The following FYB1 variants were observed in gnomAD, a reference collection of about 807,000 sequenced individuals.
The protein encoded by FYB1 is FYN-binding protein 1.
FYB1 carries 41 observed loss-of-function variants against 94.1 expected under a neutral mutation model. The observed-to-expected ratio is 0.44, with a 90% CI of 0.34 to 0.57. The LOEUF (loss-of-function observed/expected upper bound fraction) is 0.57. Among genes scored for constraint, FYB1 ranks in the 20% least tolerant of loss-of-function variants. FYB1 has a pLI of 0.02. For synonymous variants in FYB1, 367 were observed against 353.2 expected (o/e 1.04, Z -0.44); for missense variants, 1,050 against 976.8 (o/e 1.07, Z -1.00).
intron 1 of FYB1, among the ~76,000 whole-genome samples, chr5:39,218,548 TTAA>T (rs1175296752): frequency 6.6e-6 from 1 of 152,202 alleles, no homozygotes; most frequent in African/African-American, 2.4e-5. Context: ...ATGGTGAATA[TTAA>T]TTATTATTTT....
In FYB1 at chr5:39,153,149, G is replaced by GAGGAGTTGGTGT. The variant is rs1370485805; in HGVS notation, c.1292+298_1292+299insACACCAACTCCT. Among the ~76,000 whole-genome samples the GAGGAGTTGGTGT allele has an allele frequency of 0.013, 1,966 of 152,124 alleles. 29 individuals are homozygous for GAGGAGTTGGTGT. Among genetic ancestry groups the GAGGAGTTGGTGT allele is most frequent in the Non-Finnish European group, 0.015 (1,012 of 67,980 alleles). ...GATGTTGATAGTGGAGGAGTTGGTG[G>GAGGAGTTGGTGT]TTCTCAAGAAAGCTTCAGAACTTTT... On this transcript the variant is annotated intron_variant, in intron 3 of 18. Transcript: ENST00000512982.
intron 2 of FYB1, among the ~76,000 whole-genome samples, chr5:39,165,443 A>G (rs183084368): frequency 1.5e-3 from 224 of 152,344 alleles, no homozygotes; most frequent in Non-Finnish European, 2.7e-3. Flanking sequence ...CCATATGCAT[A>G]AGAATGAAAC....
intron 2 of FYB1, among the ~76,000 whole-genome samples, chr5:39,173,870 G>A (rs1373143759): frequency 6.6e-6 from 1 of 152,128 alleles, no homozygotes; most frequent in Non-Finnish European, 1.5e-5. Context: ...CTAAAGTCAG[G>A]CAGTAAGATG....
chr5:39,152,355 A>T (rs1024878896), intron 3 of FYB1, among the ~76,000 whole-genome samples: 2 of 152,232 alleles, frequency 1.3e-5, no homozygotes, highest in Non-Finnish European at 2.9e-5. Flanking sequence ...GTCATCAAGC[A>T]TGTCAGGGAA....
intron 1 of FYB1, among the ~76,000 whole-genome samples, chr5:39,208,626 A>C (rs1749068270): frequency 6.6e-6 from 1 of 152,202 alleles, no homozygotes; most frequent in African/African-American, 2.4e-5. Context: ...AGAGGCTGTG[A>C]GGGCGATCAT....
chr5:39,127,204 T>C (rs1740762595), intron 11 of FYB1, among the ~76,000 whole-genome samples: 2 of 151,484 alleles, frequency 1.3e-5, no homozygotes, highest in African/African-American at 2.4e-5. Flanking sequence ...CAGATAATTA[T>C]TATTAAGTTA....
chr5:39,105,781 G>A lies in FYB1; in HGVS notation c.*1662C>T, dbSNP rs1415629861. 6.6e-6 allele frequency: 1 copy of A among 152,032 alleles called. No individual in the cohort carries two copies. Among genetic ancestry groups the A allele is most frequent in the African/African-American group, 2.4e-5 (1 of 41,376 alleles). 9.4% of individuals were successfully genotyped at this position (152,032 alleles called of 1,614,324 possible). A position where few individuals can be genotyped will look rare whatever the true frequency, so the allele number is the denominator to read the frequency against. On this transcript the variant is annotated 3_prime_UTR_variant, in exon 19 of 19. Coordinates refer to ENST00000512982, the MANE Select transcript of FYB1 (RefSeq NM_001465.6). Reference sequence around the variant, plus strand: ...GAAATTAATCACATGGTCATATACTGGCTAGTGCTCTCTAAAAGTAGACAT... The same window carrying A: ...GAAATTAATCACATGGTCATATACTAGCTAGTGCTCTCTAAAAGTAGACAT...
chr5:39,163,200 G>C (rs1440866065), intron 2 of FYB1, among the ~76,000 whole-genome samples: 1 of 152,068 alleles, frequency 6.6e-6, no homozygotes, highest in East Asian at 1.9e-4. Context: ...TATCTTCAAA[G>C]GATTTGTAAA....
chr5:39,250,519 C>A (rs1561308585), intron 1 of FYB1, among the ~76,000 whole-genome samples: 1 of 152,178 alleles, frequency 6.6e-6, no homozygotes, highest in Non-Finnish European at 1.5e-5. Context: ...ACAAAAATAT[C>A]ACCATCAAAG....
intron 2 of FYB1, among the ~76,000 whole-genome samples, chr5:39,200,447 T>C (rs948250923): frequency 6.6e-6 from 1 of 152,096 alleles, no homozygotes; most frequent in Non-Finnish European, 1.5e-5. Context: ...GTCACAGCCA[T>C]AAAATGGAGG....
intron 2 of FYB1, among the ~76,000 whole-genome samples, chr5:39,168,950 A>G (rs951118458): frequency 2.6e-5 from 4 of 152,172 alleles, no homozygotes; most frequent in African/African-American, 9.7e-5. Flanking sequence ...ATCTTTCTCT[A>G]CATGTATATT....
chr5:39,156,500 C>T (rs924065734), intron 2 of FYB1, among the ~76,000 whole-genome samples: 7 of 152,124 alleles, frequency 4.6e-5, no homozygotes, highest in African/African-American at 1.7e-4. Context: ...TAGTTTTGGA[C>T]AATTGTCAAA....
intron 1 of FYB1, among the ~76,000 whole-genome samples, chr5:39,248,715 T>G (rs1334063806): frequency 6.6e-6 from 1 of 152,130 alleles, no homozygotes; most frequent in East Asian, 1.9e-4. Context: ...TGCACCCCTC[T>G]AATCCCAGCT....
At chr5:39,143,557 T>G (rs1164582882) in intron 3 of FYB1, among the ~76,000 whole-genome samples, 1 of 150,488 alleles carries the variant, frequency 6.6e-6, no homozygotes, top group Non-Finnish European at 1.5e-5. Context: ...TTGCCATCTT[T>G]CTAACACAAA....
chr5:39,269,038 G>GTTTTC (rs1246654887), intron 1 of FYB1, among the ~76,000 whole-genome samples: 3 of 151,958 alleles, frequency 2.0e-5, no homozygotes, highest in Non-Finnish European at 4.4e-5. Flanking sequence ...AGGTCAAGCT[G>GTTTTC]TTTTCTTTTC....
At chr5:39,119,449 T>C in intron 15 of FYB1, 86 bp downstream of exon 15, 1 of 986,928 alleles carries the variant, frequency 1.0e-6, no homozygotes, top group Non-Finnish European at 1.4e-6. Context: ...CATTGGATTT[T>C]TCAATAGTGT....
chr5:39,272,527 C>T (rs1209819133), intron 1 of FYB1, among the ~76,000 whole-genome samples: 2 of 151,396 alleles, frequency 1.3e-5, no homozygotes, highest in East Asian at 1.9e-4. Context: ...AAAAAATTAG[C>T]TGGGCCTAGT....
intron 1 of FYB1, among the ~76,000 whole-genome samples, chr5:39,216,355 A>G (rs1227172657): frequency 6.6e-6 from 1 of 152,198 alleles, no homozygotes; most frequent in Admixed American, 6.5e-5. Context: ...TGTTGTTAAA[A>G]TTCTACCCGC....
chr5:39,137,793 T>G, intron 6 of FYB1, 73 bp from the exon 7 acceptor site: 1 of 1,535,384 alleles, frequency 6.5e-7, no homozygotes, highest in Middle Eastern at 1.7e-4. Flanking sequence ...ACCTAGAAGT[T>G]TCTACTCACA....
Sources: gnomAD v4.1 joint callset for allele counts (sites outside exome capture counted in the v4.1 genomes callset) on GRCh38, gnomAD v4.1.1 for gene constraint, MANE v1.5 for transcripts, NCBI Gene and HGNC (gene_info 2026-07-23, HGNC 2026-07-21) for gene names.